Variants in LYST observed in about 807,000 individuals in gnomAD.
The protein encoded by LYST is lysosomal-trafficking regulator.
LYST carries 192 observed loss-of-function variants against 413.6 expected under a neutral mutation model. The ratio of observed to expected loss-of-function variants is 0.46; its 90% CI spans 0.41 to 0.52. The LOEUF (loss-of-function observed/expected upper bound fraction) is 0.52, where lower values mean the gene tolerates loss of function less well. Ranked by LOEUF, LYST falls within the 20% of genes least tolerant of loss-of-function variation. LYST has a pLI of 0.00. For synonymous variants in LYST, 1,525 were observed against 1,567.3 expected (o/e 0.97, Z 0.64); for missense variants, 3,815 against 4,499.9 (o/e 0.85, Z 4.35).
intron 50 of LYST, among the ~76,000 whole-genome samples, chr1:235,667,444 C>T (rs1443447788): frequency 6.6e-6 from 1 of 152,112 alleles, no homozygotes; most frequent in Non-Finnish European, 1.5e-5. Flanking sequence ...AACCATATCC[C>T]ATCATAAGAA....
intron 48 of LYST, among the ~76,000 whole-genome samples, chr1:235,682,699 AT>A (rs1659919439): frequency 6.6e-6 from 1 of 152,220 alleles, no homozygotes. Context: ...TACATCAGAA[AT>A]TGTAAAGAGC....
intron 8 of LYST, 82 bp downstream of exon 8, chr1:235,802,826 A>G: frequency 7.6e-7 from 1 of 1,316,772 alleles, no homozygotes; most frequent in Non-Finnish European, 1.1e-6. Flanking sequence ...ACAAAATTCT[A>G]AAGTGGTATT....
intron 4 of LYST, among the ~76,000 whole-genome samples, chr1:235,811,721 A>C (rs564290805): frequency 6.6e-6 from 1 of 152,202 alleles, no homozygotes; most frequent in Non-Finnish European, 1.5e-5. Flanking sequence ...GTGCTTTACT[A>C]AGACAGGGAA....
intron 3 of LYST, among the ~76,000 whole-genome samples, chr1:235,826,849 T>G (rs1675388033): frequency 6.6e-6 from 1 of 151,936 alleles, no homozygotes; most frequent in Non-Finnish European, 1.5e-5. Context: ...ACCTGGCTAA[T>G]TTTTGTATTT....
chr1:235,699,515 A>G (rs1303053218), intron 45 of LYST, among the ~76,000 whole-genome samples: 1 of 152,140 alleles, frequency 6.6e-6, no homozygotes, highest in Non-Finnish European at 1.5e-5. Context: ...TCTTTGCTAT[A>G]GTAAATAGTG....
In LYST at chr1:235,677,098, A is replaced by G; in HGVS notation, c.11031T>C (p.Cys3677=). The change falls in exon 50 of 53, where the codon TGT becomes TGC. Residue 3677 remains cysteine (C), a synonymous_variant. Transcript: ENST00000389793. The part of the protein sequence containing the change: ...SETSGDIATV[C]DSAGGGSDLR... ...GGGTTGGAGCAAGCTCACCTGAATCACACACAGTAGCAATATCACCTGAGG... is the reference window on the plus strand; with the variant it reads ...GGGTTGGAGCAAGCTCACCTGAATCGCACACAGTAGCAATATCACCTGAGG... 6.2e-7 allele frequency: 1 copy of G among 1,613,416 alleles called. No individual in the cohort carries two copies. The highest frequency in any genetic ancestry group is 1.1e-5 in the South Asian group (1 of 91,058).
chr1:235,744,147 T>C lies in LYST; in HGVS notation c.7983A>G (p.Ser2661=), dbSNP rs777714040. The C allele has an allele frequency of 4.5e-6, 7 of 1,566,980 alleles. No homozygotes were observed. The Admixed American group carries it at 1.0e-4, about 22-fold the overall frequency. Residue 2661 remains serine (S), a synonymous_variant, in exon 30 of 53, where the codon TCA becomes TCG. Transcript: ENST00000389793. ...GAGTTCTCAAAATGTCAATAATGTC[T>C]GAATTAAATTCTTTGAATTGAAAAA... is the stretch of plus-strand genomic sequence containing the variant. The part of the protein sequence containing the change: ...VNRIIYQEFN[S]DIIDILRTPE...
chr1:235,878,465 T>C (rs1681234136), intron 1 of LYST, among the ~76,000 whole-genome samples: 1 of 152,166 alleles, frequency 6.6e-6, no homozygotes, highest in Non-Finnish European at 1.5e-5. Flanking sequence ...AGTCAGATAC[T>C]AGCAACCTGA....
intron 50 of LYST, among the ~76,000 whole-genome samples, chr1:235,672,532 A>C (rs887195925): frequency 6.6e-6 from 1 of 152,164 alleles, no homozygotes; most frequent in Non-Finnish European, 1.5e-5. Context: ...AGAAAAAAGC[A>C]ACTTTGGCTG....
At chr1:235,710,617 A>T (rs1662334725) in intron 43 of LYST, among the ~76,000 whole-genome samples, 1 of 152,234 alleles carries the variant, frequency 6.6e-6, no homozygotes. Context: ...CTATAACAGC[A>T]TTTCCTGTCT....
At chr1:235,783,469 G>A (rs765718043) in intron 14 of LYST, among the ~76,000 whole-genome samples, 1 of 151,798 alleles carries the variant, frequency 6.6e-6, no homozygotes, top group Non-Finnish European at 1.5e-5. Flanking sequence ...ATCACACACC[G>A]GGGCCTGTCG....
In LYST at chr1:235,830,437, T is replaced by C. The variant is rs1322436013; in HGVS notation, c.-7-13A>G. ...GCTCATGACCGAGCTATAAAATAAG[T>C]ATTACAAAAAAAAAAGATTAGGAAA... On this transcript the variant is annotated splice_polypyrimidine_tract_variant and intron_variant, in intron 2 of 52. Coordinates refer to ENST00000389793, the MANE Select transcript of LYST (RefSeq NM_000081.4). 5 of 1,573,030 alleles carry C rather than the reference T, an allele frequency of 3.2e-6. No homozygotes were observed. Among genetic ancestry groups the C allele is most frequent in the Non-Finnish European group, 3.5e-6 (4 of 1,152,854 alleles).
Position 235,733,712 on chromosome 1 carries a change from T to A in LYST, c.8613-21A>T, listed in dbSNP as rs780783160. ...AGAGACTAAACAAATAATAAGATTGTCCATAGTTAAGCATACATGGAACGT... is the reference window on the plus strand; with the variant it reads ...AGAGACTAAACAAATAATAAGATTGACCATAGTTAAGCATACATGGAACGT... On this transcript the variant is annotated intron_variant, in intron 33 of 52. Coordinates refer to ENST00000389793, the MANE Select transcript of LYST (RefSeq NM_000081.4). The A allele has an allele frequency of 1.9e-6, 3 of 1,597,178 alleles. No homozygotes were observed. The East Asian group carries it at 6.7e-5, about 36-fold the overall frequency.
At chr1:235,710,455 G>A (rs577180318) in intron 43 of LYST, among the ~76,000 whole-genome samples, 19 of 152,262 alleles carry the variant, frequency 1.2e-4, no homozygotes, top group African/African-American at 4.6e-4. Context: ...AAGGGCATTT[G>A]TACAAACTCA....
intron 2 of LYST, among the ~76,000 whole-genome samples, chr1:235,832,223 G>A (rs1353147075): frequency 6.6e-6 from 1 of 152,236 alleles, no homozygotes; most frequent in Admixed American, 6.5e-5. Context: ...CACTGACAAT[G>A]TGAAAGTCTA....
rs1302052407 is a variant in LYST, at chr1:235,787,200, C to A, written c.4862G>T (p.Arg1621Met). Residue 1621 changes from arginine (R) to methionine (M), a missense_variant and splice_region_variant, in exon 14 of 53, where the codon AGG (arginine) becomes ATG (methionine). Coordinates refer to ENST00000389793, the MANE Select transcript of LYST (RefSeq NM_000081.4). ...GKISIWVSGQRKPDVTLDFML... is the reference protein window; with the variant it reads ...GKISIWVSGQMKPDVTLDFML... The stretch of plus-strand genomic sequence containing the variant: ...TGCATTTTCTCAAAATGCTTCCTAC[C>A]TCTGTCCAGAGACCCATATGGAGAT... 6.2e-7 allele frequency: 1 copy of A among 1,612,510 alleles called. No individual in the cohort carries two copies. Among genetic ancestry groups the A allele is most frequent in the East Asian group, 2.2e-5 (1 of 44,820 alleles).
intron 10 of LYST, among the ~76,000 whole-genome samples, chr1:235,795,059 A>G (rs954552307): frequency 1.3e-5 from 2 of 152,212 alleles, no homozygotes; most frequent in African/African-American, 2.4e-5. Flanking sequence ...AAGTAGATGT[A>G]TAAGAGAAAG....
chr1:235,713,273 A>C (rs1662555043), intron 42 of LYST: 1 of 802,532 alleles, frequency 1.2e-6, no homozygotes, highest in African/African-American at 1.9e-5. Flanking sequence ...AAAAGTTATC[A>C]ATCAAAATGG....
chr1:235,728,470 C>A (rs1036434185), intron 37 of LYST, among the ~76,000 whole-genome samples: 1 of 152,192 alleles, frequency 6.6e-6, no homozygotes, highest in East Asian at 1.9e-4. Flanking sequence ...TCTTACATTA[C>A]TAGCATATAG....
Sources: gnomAD v4.1 joint callset for allele counts (sites outside exome capture counted in the v4.1 genomes callset) on GRCh38, gnomAD v4.1.1 for gene constraint, MANE v1.5 for transcripts, NCBI Gene and HGNC (gene_info 2026-07-23, HGNC 2026-07-21) for gene names.